Variants in DPF3 observed in about 807,000 individuals in gnomAD.
The protein encoded by DPF3 is zinc finger protein DPF3.
DPF3 carries 18 observed loss-of-function variants against 56.8 expected under a neutral mutation model. The observed-to-expected ratio is 0.32, with a 90% CI of 0.22 to 0.47. The LOEUF is 0.47. Ranked by LOEUF, DPF3 falls within the 20% of genes least tolerant of loss-of-function variation. The pLI is 1.00. For synonymous variants in DPF3, 188 were observed against 180.2 expected, an observed-to-expected ratio of 1.04 and a Z score of -0.35; for missense variants, 403 against 488.8, an observed-to-expected ratio of 0.82 and a Z score of 1.65.
chr14:72,860,346 CTTAT>C (rs902230699), intron 1 of DPF3, among the ~76,000 whole-genome samples: 18 of 152,150 alleles, frequency 1.2e-4, no homozygotes, highest in South Asian at 6.2e-4. Flanking sequence ...ACATGCCTGT[CTTAT>C]TTTGTTTTAC....
chr14:72,749,246 T>C (rs1890455167), intron 3 of DPF3, among the ~76,000 whole-genome samples: 1 of 152,240 alleles, frequency 6.6e-6, no homozygotes, highest in African/African-American at 2.4e-5. Flanking sequence ...AAGGAGATCA[T>C]TTTGGAGTTT....
intron 8 of DPF3, chr14:72,671,238 A>T: frequency 1.2e-6 from 2 of 1,613,952 alleles, no homozygotes; most frequent in Non-Finnish European, 1.7e-6. Context: ...AGCCGTGGAA[A>T]GTTGACGTGT....
chr14:72,647,682 A>G (rs1957343307), intron 8 of DPF3, among the ~76,000 whole-genome samples: 1 of 152,224 alleles, frequency 6.6e-6, no homozygotes, highest in Non-Finnish European at 1.5e-5. Flanking sequence ...GTATCTTTGC[A>G]ACCTAATTAG....
rs141504631 is a variant in DPF3 at position 72,869,591 on chromosome 14, T to C, written c.32+24466A>G. Among the ~76,000 whole-genome samples, 19 of 152,178 alleles carry C rather than the reference T, an allele frequency of 1.2e-4. No homozygotes were observed. In the East Asian group the frequency reaches 3.5e-3, roughly 28 times the overall value. Reference sequence around the variant, plus strand: ...GATGGCGTCACTGGATGCCACAAGATCTCAGGCTCTTCCCAGTAAGAGCAT... The same window carrying C: ...GATGGCGTCACTGGATGCCACAAGACCTCAGGCTCTTCCCAGTAAGAGCAT... On this transcript the variant is annotated intron_variant, in intron 1 of 10. Coordinates refer to ENST00000556509, the MANE Select transcript of DPF3 (RefSeq NM_001280542.3).
At chr14:72,659,218 C>T (rs1008444602) in intron 8 of DPF3, among the ~76,000 whole-genome samples, 2 of 152,194 alleles carry the variant, frequency 1.3e-5, no homozygotes, top group Admixed American at 6.5e-5. Context: ...CTGCTTCATT[C>T]ACCAAAGATA....
At chr14:72,804,601 G>C (rs1322904538) in intron 1 of DPF3, among the ~76,000 whole-genome samples, 1 of 152,220 alleles carries the variant, frequency 6.6e-6, no homozygotes, top group Non-Finnish European at 1.5e-5. Context: ...AAGGGGCTGA[G>C]AGGTTGGGTT....
At chr14:72,812,056 T>C (rs1360498097) in intron 1 of DPF3, among the ~76,000 whole-genome samples, 1 of 152,102 alleles carries the variant, frequency 6.6e-6, no homozygotes, top group Non-Finnish European at 1.5e-5. Context: ...GTCTCTTGTA[T>C]CTAAGATCTG....
rs930345097 is a variant in DPF3, at chr14:72,857,979, C to T, written c.32+36078G>A. Among the ~76,000 whole-genome samples, 4 of 151,840 alleles carry T rather than the reference C, an allele frequency of 2.6e-5. No homozygotes were observed. The South Asian group carries it at 8.4e-4, about 32-fold the overall frequency. Reference sequence around the variant, plus strand: ...GTGGGTGAGAAAAGTCACATAGCTGCTAAGTCATAGAAAACGTTCAGAGCA... The same window carrying T: ...GTGGGTGAGAAAAGTCACATAGCTGTTAAGTCATAGAAAACGTTCAGAGCA... On this transcript the variant is annotated intron_variant, in intron 1 of 10. Transcript: ENST00000556509.
chr14:72,787,874 G>T (rs72730339), intron 1 of DPF3, among the ~76,000 whole-genome samples: 6,810 of 152,256 alleles, frequency 0.045, 228 homozygotes, highest in Non-Finnish European at 0.068. Flanking sequence ...GCCTCTGGTG[G>T]CCCGGCTTCT....
intron 1 of DPF3, among the ~76,000 whole-genome samples, chr14:72,854,099 G>A (rs1194833475): frequency 1.3e-5 from 2 of 152,192 alleles, no homozygotes; most frequent in South Asian, 2.1e-4. Flanking sequence ...CCTCACACCT[G>A]TAATCCCAGC....
intron 7 of DPF3, among the ~76,000 whole-genome samples, chr14:72,677,557 G>A (rs1356922188): frequency 6.6e-6 from 1 of 152,082 alleles, no homozygotes; most frequent in Non-Finnish European, 1.5e-5. Context: ...ATATTAAATA[G>A]GTCTACTCCT....
chr14:72,786,484 G>A (rs747673206), intron 1 of DPF3, among the ~76,000 whole-genome samples: 15 of 152,310 alleles, frequency 9.8e-5, no homozygotes, highest in South Asian at 2.1e-4. Context: ...ATGCCCATCC[G>A]TTTACATATT....
chr14:72,822,148 T>A (rs987256734), intron 1 of DPF3, among the ~76,000 whole-genome samples: 1 of 152,148 alleles, frequency 6.6e-6, no homozygotes, highest in Non-Finnish European at 1.5e-5. Context: ...GAGGCCAAGG[T>A]GGGTGGATCA....
intron 1 of DPF3, among the ~76,000 whole-genome samples, chr14:72,859,930 C>A (rs1885328746): frequency 6.7e-6 from 1 of 150,156 alleles, no homozygotes; most frequent in South Asian, 2.1e-4. Context: ...GAATACCACC[C>A]AACTACCCAT....
At chr14:72,764,486 T>TG in intron 2 of DPF3, among the ~76,000 whole-genome samples, 19 of 29,158 alleles carry the variant, frequency 6.5e-4, no homozygotes, top group African/African-American at 1.6e-3. Context: ...CCTGAGTTGT[T>TG]TTTTTTTTTT....
intron 1 of DPF3, among the ~76,000 whole-genome samples, chr14:72,821,451 A>T (rs544769380): frequency 1.3e-5 from 2 of 152,336 alleles, no homozygotes; most frequent in African/African-American, 4.8e-5. Flanking sequence ...AATTTTTATT[A>T]CTGACCTTGT....
At position 72,683,758 on chromosome 14, in the gene DPF3, G is replaced by A. The variant is rs181590436; in HGVS notation, c.742+9318C>T. On this transcript the variant is annotated intron_variant, in intron 7 of 10. Coordinates refer to ENST00000556509, the MANE Select transcript of DPF3 (RefSeq NM_001280542.3). ...ATTTGGGGATCTCATTAACAATCAG[G>A]TTGGAATTCATAGATCCAGGGTACA... is the stretch of plus-strand genomic sequence containing the variant. Among the ~76,000 whole-genome samples the A allele has an allele frequency of 2.1e-3, 323 of 152,254 alleles. 1 individual carries two copies. Among genetic ancestry groups the A allele is most frequent in the Admixed American group, 3.6e-3 (55 of 15,306 alleles).
chr14:72,879,678 G>A lies in DPF3; in HGVS notation c.32+14379C>T. 12 of 1,220,704 alleles carry A rather than the reference G, an allele frequency of 9.8e-6. No individual in the cohort carries two copies. In the South Asian group the frequency reaches 1.7e-4, roughly 17 times the overall value. 75.6% of individuals were successfully genotyped at this position (1,220,704 alleles called of 1,614,324 possible). A position where few individuals can be genotyped will look rare whatever the true frequency, so the allele number is the denominator to read the frequency against. On this transcript the variant is annotated intron_variant, in intron 1 of 10. Transcript: ENST00000556509. ...GCCCAGAGGAAACCGCCTGCCCAGA[G>A]GAGCCACAAGCAGTTTGCTCAGACA... is the stretch of plus-strand genomic sequence containing the variant.
At chr14:72,819,876 T>C (rs1296870634) in intron 1 of DPF3, among the ~76,000 whole-genome samples, 1 of 152,136 alleles carries the variant, frequency 6.6e-6, no homozygotes, top group Non-Finnish European at 1.5e-5. Context: ...AGGCAAAGGT[T>C]GCAGTGAGCT....
Sources: allele counts gnomAD v4.1 joint callset (sites outside exome capture counted in the v4.1 genomes callset), GRCh38; gene constraint gnomAD v4.1.1; transcripts MANE v1.5; gene names NCBI Gene and HGNC (gene_info 2026-07-23, HGNC 2026-07-21).